The following TRIM39 variants were observed in gnomAD, a reference collection of about 807,000 sequenced individuals.
TRIM39 encodes E3 ubiquitin-protein ligase TRIM39.
A neutral mutation model predicts 53.6 loss-of-function variants in TRIM39; 5 were observed. The observed-to-expected ratio is 0.09, with a 90% CI of 0.05 to 0.20. The LOEUF (loss-of-function observed/expected upper bound fraction) is 0.20. TRIM39 is among the 10% of genes least tolerant of loss of function. The pLI is 1.00. For missense variants in TRIM39, 310 were observed against 621.0 expected (o/e 0.50, Z 5.32); for synonymous variants, 196 against 237.6 (o/e 0.82, Z 1.61).
chr6:30,339,428 C>T lies in TRIM39; in HGVS notation c.781-480C>T, dbSNP rs193140736. On this transcript the variant is annotated intron_variant, in intron 5 of 7. Coordinates refer to ENST00000396551, the Ensembl canonical transcript of TRIM39. The surrounding 1 kb of genome is among the most constrained non-coding windows in gnomAD (Gnocchi z 4.2). The stretch of plus-strand genomic sequence containing the variant: ...CCTCCCAAAGCGCTCAGATTACAGG[C>T]GTGAGCTACTGTGCCCAGCCAGTTA... 2.0e-5 allele frequency among the ~76,000 whole-genome samples: 3 copies of T among 152,214 alleles called. No homozygotes were observed. The highest frequency in any genetic ancestry group is 1.3e-4 in the Admixed American group (2 of 15,280).
In TRIM39 at chr6:30,329,641, C is replaced by G. The variant is rs774769905; in HGVS notation, c.324C>G (p.Pro108=). 7 of 1,613,108 alleles carry G rather than the reference C, an allele frequency of 4.3e-6. No individual in the cohort carries two copies. The East Asian group carries it at 6.7e-5, about 15-fold the overall frequency. ...AGATCCGGGATGAGAGCCTCTGCCC[C>G]CAACACCATGAGGCCCTCAGCCTTT... Residue 108 remains proline, a synonymous_variant, in exon 3 of 8, where the codon CCC becomes CCG. Coordinates refer to ENST00000396551, the Ensembl canonical transcript of TRIM39.
intron 4 of TRIM39, among the ~76,000 whole-genome samples, chr6:30,333,082 A>G (rs1485644065): frequency 1.3e-5 from 2 of 152,184 alleles, no homozygotes; most frequent in Non-Finnish European, 2.9e-5. Context: ...TTGCCCCTAT[A>G]TGTGTCATTA....
intron 1 of TRIM39, chr6:30,327,496 C>G (rs779591252): frequency 6.5e-6 from 1 of 152,712 alleles, no homozygotes; most frequent in African/African-American, 2.4e-5. Flanking sequence ...TGAGATTGTC[C>G]CTGAAGTTTG....
chr6:30,342,080 A>G lies in TRIM39; in HGVS notation c.1288A>G (p.Ile430Val), dbSNP rs772426224. The stretch of plus-strand genomic sequence containing the variant: ...CAAGGTGAAACCCAAGCGGGTAGGC[A>G]TATTCCTAGACTATGAGGCCGGCAC... The change falls in exon 8 of 8, where the codon ATA becomes GTA. Residue 430 changes from isoleucine (I) to valine (V), a missense_variant. Ile to Val is a conservative substitution (Grantham distance 29, BLOSUM62 3). Around this residue, in one of 5 missense-constraint regions of TRIM39, gnomAD observed 75 missense variants for 244.8 expected, o/e 0.31. Coordinates refer to ENST00000396551, the Ensembl canonical transcript of TRIM39. The surrounding 1 kb of genome is among the most constrained non-coding windows in gnomAD (Gnocchi z 4.7). 1.1e-5 allele frequency: 17 copies of G among 1,612,934 alleles called. No homozygotes were observed. The highest frequency in any genetic ancestry group is 4.0e-5 in the African/African-American group (3 of 74,916).
chr6:30,337,576 C>G (rs1346166197), intron 5 of TRIM39, among the ~76,000 whole-genome samples: 1 of 152,156 alleles, frequency 6.6e-6, no homozygotes, highest in Non-Finnish European at 1.5e-5. Context: ...TAAAAACATT[C>G]AGTATACCAT....
Position 30,335,452 on chromosome 6 carries a change from G to C in TRIM39, c.550-293G>C, listed in dbSNP as rs1786740966. On this transcript the variant is annotated intron_variant, in intron 4 of 7. Transcript: ENST00000396551. This position sits in a 1 kb window ranked among gnomAD's most constrained non-coding sequence, Gnocchi z 4.7. ...TCATCCCACCTCAGCCTCTCCAGTA[G>C]CTGGGACTACAGGCATGCACCACCA... 6.6e-6 allele frequency among the ~76,000 whole-genome samples: 1 copy of C among 152,074 alleles called. No homozygotes were observed. Among genetic ancestry groups the C allele is most frequent in the Admixed American group, 6.5e-5 (1 of 15,280 alleles).
rs116366013 is a variant in TRIM39, at chr6:30,330,464, G to T, written c.454-317G>T. On this transcript the variant is annotated intron_variant, in intron 3 of 7. Transcript: ENST00000396551. ...GATATTAGGGTACAGAAGGTTGCTT[G>T]GATGGTAATAGGCAGTTGCCTCAGT... Among the ~76,000 whole-genome samples the T allele has an allele frequency of 5.8e-3, 880 of 152,270 alleles. 2 individuals are homozygous for T. The highest frequency in any genetic ancestry group is 0.031 in the Middle Eastern group (9 of 294).
intron 4 of TRIM39, 23 bp downstream of exon 4, chr6:30,330,899 A>G: frequency 6.2e-7 from 1 of 1,612,264 alleles, no homozygotes; most frequent in Non-Finnish European, 8.5e-7. Flanking sequence ...AATCCCATGT[A>G]GGCTGCTCTG....
chr6:30,334,452 TAAAG>T (rs1370435513), intron 4 of TRIM39, among the ~76,000 whole-genome samples: 1 of 152,218 alleles, frequency 6.6e-6, no homozygotes, highest in African/African-American at 2.4e-5. Context: ...TGTGCTGGCT[TAAAG>T]AAAGCATGTT....
rs1562421332 is a variant in TRIM39, at chr6:30,339,602, A to G, written c.781-306A>G. ...TGGTACTTGGGGGACAGAGTAAAGA[A>G]TTGATACAATCCCTGTCCCTTATAG... On this transcript the variant is annotated intron_variant, in intron 5 of 7. Coordinates refer to ENST00000396551, the Ensembl canonical transcript of TRIM39. The surrounding 1 kb of genome is among the most constrained non-coding windows in gnomAD (Gnocchi z 4.2). 6.6e-6 allele frequency among the ~76,000 whole-genome samples: 1 copy of G among 152,260 alleles called. No homozygotes were observed. Among genetic ancestry groups the G allele is most frequent in the Non-Finnish European group, 1.5e-5 (1 of 68,052 alleles).
intron 4 of TRIM39, among the ~76,000 whole-genome samples, chr6:30,332,236 C>T (rs934518364): frequency 3.3e-5 from 5 of 152,200 alleles, no homozygotes; most frequent in East Asian, 1.9e-4. Flanking sequence ...AGGCCAAACC[C>T]GGTATTTGAC....
At chr6:30,332,982 T>C (rs569907359) in intron 4 of TRIM39, among the ~76,000 whole-genome samples, 4 of 152,344 alleles carry the variant, frequency 2.6e-5, no homozygotes, top group Admixed American at 2.6e-4. Context: ...CCAAATATAA[T>C]ATAATGAAAC....
intron 5 of TRIM39, among the ~76,000 whole-genome samples, chr6:30,337,364 A>G (rs1187488368): frequency 6.6e-6 from 1 of 151,828 alleles, no homozygotes; most frequent in Admixed American, 6.6e-5. Context: ...AAGATCATGC[A>G]GTTGCACTCC....
Position 30,339,617 on chromosome 6 carries a change from G to A in TRIM39, c.781-291G>A, listed in dbSNP as rs114115017. On this transcript the variant is annotated intron_variant, in intron 5 of 7. Coordinates refer to ENST00000396551, the Ensembl canonical transcript of TRIM39. This position sits in a 1 kb window ranked among gnomAD's most constrained non-coding sequence, Gnocchi z 4.2. Reference sequence around the variant, plus strand: ...AGAGTAAAGAATTGATACAATCCCTGTCCCTTATAGGGAGCTCCCAGCATC... The same window carrying A: ...AGAGTAAAGAATTGATACAATCCCTATCCCTTATAGGGAGCTCCCAGCATC... 1.9e-3 allele frequency among the ~76,000 whole-genome samples: 297 copies of A among 152,316 alleles called. 1 individual carries two copies. The highest frequency in any genetic ancestry group is 3.5e-3 in the Non-Finnish European group (235 of 68,030).
intron 6 of TRIM39, 195 bp downstream of exon 6, chr6:30,340,125 T>C (rs1486796785): frequency 9.3e-7 from 1 of 1,076,896 alleles, no homozygotes; most frequent in East Asian, 2.5e-5. Flanking sequence ...TTTTCCCCTT[T>C]GAACATCAGG....
At chr6:30,329,495 C>T (rs1162538094) in exon 3 of TRIM39, 1 of 1,613,062 alleles carries the variant, frequency 6.2e-7, no homozygotes, top group Non-Finnish European at 8.5e-7. Flanking sequence ...GTGGGAGGAC[C>T]TAGAGAGGGA....
intron 7 of TRIM39, among the ~76,000 whole-genome samples, 181 bp downstream of exon 7, chr6:30,340,801 T>TA (rs1787427266): frequency 6.6e-6 from 1 of 152,218 alleles, no homozygotes; most frequent in Admixed American, 6.5e-5. Context: ...GAGGAAGCCT[T>TA]AAGCGTTATC....
chr6:30,333,446 C>T (rs975896396), intron 4 of TRIM39, among the ~76,000 whole-genome samples: 1 of 149,288 alleles, frequency 6.7e-6, no homozygotes, highest in African/African-American at 2.5e-5. Context: ...CAAGCTCTGC[C>T]TCCCGGGTTC....
intron 5 of TRIM39, among the ~76,000 whole-genome samples, chr6:30,336,516 G>A (rs9394002): frequency 0.16 from 24,762 of 152,234 alleles, 2,798 homozygotes; most frequent in East Asian, 0.42. Flanking sequence ...ACTGATCGAG[G>A]TGGTGGTTGC....
Sources: allele counts gnomAD v4.1 joint callset (sites outside exome capture counted in the v4.1 genomes callset), GRCh38; gene constraint gnomAD v4.1.1; regional missense constraint gnomAD v4.1.1; non-coding constraint Gnocchi (gnomAD v3.1); transcripts MANE v1.5; gene names NCBI Gene and HGNC (gene_info 2026-07-23, HGNC 2026-07-21).